The following LNX1 variants were observed in gnomAD, a reference collection of about 807,000 sequenced individuals.
LNX1 encodes the protein E3 ubiquitin-protein ligase LNX.
In LNX1, 54 loss-of-function variants were observed where a neutral mutation model predicts 68.4. That is an observed-to-expected ratio of 0.79 (90% CI 0.63 to 0.99). The LOEUF is 0.99. Among genes scored for constraint, LNX1 ranks in the 50% least tolerant of loss-of-function variants. LNX1 has a pLI of 0.00. For synonymous variants in LNX1, 336 were observed against 350.0 expected (o/e 0.96, Z 0.45); for missense variants, 906 against 926.4 (o/e 0.98, Z 0.29).
Position 53,574,042 on chromosome 4 carries a change from C to T in LNX1, c.-40G>A. On this transcript the variant is annotated 5_prime_UTR_variant, in exon 2 of 11. The change creates a new upstream start codon in the 5' untranslated region. Coordinates refer to ENST00000263925, the MANE Select transcript of LNX1 (RefSeq NM_001126328.3). Reference sequence around the variant, plus strand: ...CAGTATAACAGGAAACTCAGTCACACAATATTTCCTCAGGAGCAAGTCAAG... The same window carrying T: ...CAGTATAACAGGAAACTCAGTCACATAATATTTCCTCAGGAGCAAGTCAAG... 1 of 1,566,176 alleles carries T rather than the reference C, an allele frequency of 6.4e-7. No homozygotes were observed. The highest frequency in any genetic ancestry group is 8.7e-7 in the Non-Finnish European group (1 of 1,155,492).
At chr4:53,575,689 G>T (rs1309725691) in intron 1 of LNX1, 7 of 1,392,684 alleles carry the variant, frequency 5.0e-6, no homozygotes, top group African/African-American at 2.9e-5. Flanking sequence ...CCCTGGGCTG[G>T]CTAATCAAGG....
intron 5 of LNX1, among the ~76,000 whole-genome samples, chr4:53,497,173 C>T (rs1437423444): frequency 6.6e-6 from 1 of 152,216 alleles, no homozygotes; most frequent in Admixed American, 6.5e-5. Flanking sequence ...TTGTGCCTCA[C>T]TAATGATGTG....
chr4:53,602,171 C>T lies in LNX1; in HGVS notation c.-214-10656G>A, dbSNP rs549667846. Among the ~76,000 whole-genome samples, 12 of 152,252 alleles carry T rather than the reference C, an allele frequency of 7.9e-5. No homozygotes were observed. In the East Asian group the frequency reaches 1.2e-3, roughly 15 times the overall value. ...AGGTAGTGAAAATGAAGTTACTCTCCGAAGTGATAAGGGGATGGATCCAAA... is the reference window on the plus strand; with the variant it reads ...AGGTAGTGAAAATGAAGTTACTCTCTGAAGTGATAAGGGGATGGATCCAAA... On this transcript the variant is annotated intron_variant, in intron 2 of 3. Transcript: ENST00000504299.
chr4:53,538,389 G>T (rs141959810), intron 2 of LNX1, among the ~76,000 whole-genome samples: 53 of 152,310 alleles, frequency 3.5e-4, no homozygotes, highest in African/African-American at 1.3e-3. Flanking sequence ...TCCCTGTGAA[G>T]TTCTGCTGTA....
intron 1 of LNX1, among the ~76,000 whole-genome samples, chr4:53,590,993 T>C (rs1732474459): frequency 6.6e-6 from 1 of 152,166 alleles, no homozygotes; most frequent in Non-Finnish European, 1.5e-5. Flanking sequence ...AAATAAGAAC[T>C]CTGAATCCAG....
rs1185991189 is a variant in LNX1, at chr4:53,615,617, G to A, written c.-215+900C>T. Among the ~76,000 whole-genome samples the A allele has an allele frequency of 2.0e-5, 3 of 152,186 alleles. No individual in the cohort carries two copies. The East Asian group carries it at 5.8e-4, about 29-fold the overall frequency. On this transcript the variant is annotated intron_variant, in intron 2 of 3. Coordinates refer to the LNX1 transcript ENST00000504299. ...AGAGGAAGAGCTTAGCCAACCCACAGAATTGTGAACAATAATAAAGGTTGT... is the reference window on the plus strand; with the variant it reads ...AGAGGAAGAGCTTAGCCAACCCACAAAATTGTGAACAATAATAAAGGTTGT...
chr4:53,642,447 A>G (rs1734722362), intron 1 of LNX1, among the ~76,000 whole-genome samples: 3 of 152,158 alleles, frequency 2.0e-5, no homozygotes, highest in Non-Finnish European at 2.9e-5. Flanking sequence ...GGGGCCTAGG[A>G]CAAAGGGTCT....
intron 2 of LNX1, among the ~76,000 whole-genome samples, chr4:53,600,976 G>T (rs1056581051): frequency 6.7e-6 from 1 of 150,370 alleles, no homozygotes; most frequent in African/African-American, 2.4e-5. Context: ...TACTCAGGAG[G>T]CTGAAGCAGG....
intron 5 of LNX1, among the ~76,000 whole-genome samples, chr4:53,497,542 C>T (rs1725155448): frequency 6.6e-6 from 1 of 152,204 alleles, no homozygotes; most frequent in African/African-American, 2.4e-5. Flanking sequence ...GCCGGGTTCC[C>T]CCATCACCTC....
At chr4:53,465,112 A>G (rs1722574415) in intron 9 of LNX1, among the ~76,000 whole-genome samples, 1 of 152,176 alleles carries the variant, frequency 6.6e-6, no homozygotes, top group African/African-American at 2.4e-5. Context: ...TGGCCATTGA[A>G]AAACATCTTG....
intron 2 of LNX1, among the ~76,000 whole-genome samples, chr4:53,562,646 G>A (rs966129341): frequency 3.3e-5 from 5 of 152,204 alleles, no homozygotes; most frequent in African/African-American, 1.2e-4. Context: ...TAAGTCTCCT[G>A]TTGGGCAACA....
At position 53,481,774 on chromosome 4, in the gene LNX1, C is replaced by T. The variant is rs1723928834; in HGVS notation, c.1431G>A (p.Trp477Ter). ...RSPDIFQEAG[W>*]NSNGSWSPGP... ...CTGGGGACCAGCTGCCATTGCTGTT[C>T]CAGCCGGCTTCCTGAAAGATGTCAG... is the stretch of plus-strand genomic sequence containing the variant. Residue 477 changes from tryptophan to a stop codon, truncating the protein, a stop_gained, in exon 7 of 11, where the codon TGG (tryptophan) becomes TGA (stop). Transcript: ENST00000263925. LOFTEE classifies it high-confidence loss of function. The T allele has an allele frequency of 1.2e-6, 2 of 1,613,912 alleles. No homozygotes were observed. The highest frequency in any genetic ancestry group is 1.3e-5 in the African/African-American group (1 of 75,040).
chr4:53,540,620 T>G (rs1728690077), intron 2 of LNX1, among the ~76,000 whole-genome samples: 1 of 151,556 alleles, frequency 6.6e-6, no homozygotes, highest in African/African-American at 2.4e-5. Context: ...AGGGGGAGGT[T>G]GCAGCGAGCC....
At position 53,573,868 on chromosome 4, in the gene LNX1, C is replaced by T; in HGVS notation, c.135G>A (p.Leu45=). ...TGTCCAGGGGGTCCAGCAAAGCCTGCAGGCAGATGTGGCAGATGAGGTCAT... is the reference window on the plus strand; with the variant it reads ...TGTCCAGGGGGTCCAGCAAAGCCTGTAGGCAGATGTGGCAGATGAGGTCAT... ...VDDDLICHIC[L]QALLDPLDTP... The change falls in exon 2 of 11, where the codon CTG becomes CTA. Residue 45 remains leucine (L), a synonymous_variant. Transcript: ENST00000263925. 1 of 1,613,820 alleles carries T rather than the reference C, an allele frequency of 6.2e-7. No homozygotes were observed. The highest frequency in any genetic ancestry group is 8.5e-7 in the Non-Finnish European group (1 of 1,179,842).
At chr4:53,576,451 G>A in intron 1 of LNX1, 1 of 1,406,390 alleles carries the variant, frequency 7.1e-7, no homozygotes, top group East Asian at 2.5e-5. Context: ...GTGCCAAAGT[G>A]CAGCTGACTC....
intron 2 of LNX1, among the ~76,000 whole-genome samples, chr4:53,547,584 C>A (rs2109684157): frequency 1.3e-5 from 2 of 152,226 alleles, no homozygotes; most frequent in Middle Eastern, 6.8e-3. Context: ...GGGTCCCTGA[C>A]CTCTCCCTCC....
chr4:53,582,222 C>G (rs1341543184), intron 1 of LNX1, among the ~76,000 whole-genome samples: 1 of 152,220 alleles, frequency 6.6e-6, no homozygotes, highest in Non-Finnish European at 1.5e-5. Context: ...ATTACAAACT[C>G]TTCCCAGGTG....
intron 1 of LNX1, among the ~76,000 whole-genome samples, chr4:53,587,239 A>G (rs1159979923): frequency 1.3e-5 from 2 of 152,244 alleles, no homozygotes; most frequent in African/African-American, 4.8e-5. Context: ...AAGGGTAAAC[A>G]CAGAAAGTTT....
intron 2 of LNX1, among the ~76,000 whole-genome samples, chr4:53,517,420 C>G (rs146382079): frequency 6.6e-6 from 1 of 152,302 alleles, no homozygotes; most frequent in Middle Eastern, 3.4e-3. Context: ...ACTCCCTGAG[C>G]CCACCCTCAA....
Sources: gnomAD v4.1 joint callset for allele counts (sites outside exome capture counted in the v4.1 genomes callset) on GRCh38, gnomAD v4.1.1 for gene constraint, MANE v1.5 for transcripts, NCBI Gene and HGNC (gene_info 2026-07-23, HGNC 2026-07-21) for gene names.